The following MEI4 variants were observed in gnomAD, a reference collection of about 807,000 sequenced individuals.
The protein encoded by MEI4 is meiotic double-stranded break formation protein 4, also known as meiosis-specific protein MEI4.
A neutral mutation model predicts 31.4 loss-of-function variants in MEI4; 27 were observed. The observed-to-expected ratio is 0.86, with a 90% CI of 0.63 to 1.19. MEI4 has a LOEUF of 1.19. Among genes scored for constraint, MEI4 ranks in the 50% most tolerant of loss-of-function variants. MEI4 has a pLI of 0.00. For missense variants in MEI4, 329 were observed against 398.9 expected, an observed-to-expected ratio of 0.82 and a Z score of 1.49; for synonymous variants, 122 against 145.4, an observed-to-expected ratio of 0.84 and a Z score of 1.16.
chr6:77,876,562 C>G (rs545716520), intron 4 of MEI4, among the ~76,000 whole-genome samples: 1 of 152,260 alleles, frequency 6.6e-6, no homozygotes, highest in Admixed American at 6.5e-5. Context: ...GTTATAGTAG[C>G]AGGAAATGGA....
chr6:77,849,294 G>A (rs1317208651), intron 4 of MEI4, among the ~76,000 whole-genome samples: 1 of 152,122 alleles, frequency 6.6e-6, no homozygotes, highest in Non-Finnish European at 1.5e-5. Flanking sequence ...TTTGTGTGGT[G>A]GCTGGGCATT....
At chr6:77,830,423 A>G (rs1467556815) in intron 4 of MEI4, among the ~76,000 whole-genome samples, 2 of 152,110 alleles carry the variant, frequency 1.3e-5, no homozygotes, top group African/African-American at 4.8e-5. Context: ...AATTTTCACA[A>G]ACTTTATGGA....
chr6:77,696,912 G>T (rs1173643438), intron 2 of MEI4, among the ~76,000 whole-genome samples: 1 of 152,144 alleles, frequency 6.6e-6, no homozygotes, highest in Non-Finnish European at 1.5e-5. Context: ...CTTTTTGGTT[G>T]GTAAGCTATT....
At chr6:77,864,688 C>G (rs1225220403) in intron 4 of MEI4, among the ~76,000 whole-genome samples, 1 of 152,138 alleles carries the variant, frequency 6.6e-6, no homozygotes, top group African/African-American at 2.4e-5. Flanking sequence ...AGAAAGTTAA[C>G]AAGGATATCC....
At chr6:77,652,179 T>C (rs990492753), upstream of MEI4, among the ~76,000 whole-genome samples, 2 of 152,034 alleles carry the variant, frequency 1.3e-5, no homozygotes, top group East Asian at 3.9e-4. Context: ...GGAGAATAGA[T>C]TGGAGGGAGT....
chr6:77,651,467 G>A (rs9361259), upstream of MEI4, among the ~76,000 whole-genome samples: 10,741 of 152,208 alleles, frequency 0.071, 488 homozygotes, highest in African/African-American at 0.13. Flanking sequence ...TGCACATAAC[G>A]TAGAAAAATA....
intron 2 of MEI4, among the ~76,000 whole-genome samples, chr6:77,699,020 G>A (rs9448172): frequency 0.29 from 43,491 of 151,072 alleles, 6,871 homozygotes; most frequent in South Asian, 0.39. Flanking sequence ...CATTCATTTC[G>A]TCTTCCATCA....
chr6:77,763,555 G>A (rs1435238368), intron 3 of MEI4, among the ~76,000 whole-genome samples: 1 of 152,086 alleles, frequency 6.6e-6, no homozygotes, highest in African/African-American at 2.4e-5. Flanking sequence ...GTTCAGCAAT[G>A]GTTGGCACAA....
At chr6:77,845,094 C>G (rs538279675) in intron 4 of MEI4, among the ~76,000 whole-genome samples, 1 of 152,062 alleles carries the variant, frequency 6.6e-6, no homozygotes, top group South Asian at 2.1e-4. Context: ...TGGTGACTTT[C>G]GATGTCTTCA....
At chr6:77,747,315 T>C (rs755603836) in intron 2 of MEI4, among the ~76,000 whole-genome samples, 3 of 151,232 alleles carry the variant, frequency 2.0e-5, no homozygotes, top group Non-Finnish European at 4.4e-5. Context: ...CAAGACTCCA[T>C]CTAAAAAAAA....
At chr6:77,674,528 A>G (rs1768804787) in intron 1 of MEI4, among the ~76,000 whole-genome samples, 1 of 152,208 alleles carries the variant, frequency 6.6e-6, no homozygotes, top group Non-Finnish European at 1.5e-5. Context: ...ATGCAGTAAC[A>G]TGCTGCACAG....
At chr6:77,689,239 T>C (rs1769114131) in intron 1 of MEI4, among the ~76,000 whole-genome samples, 1 of 152,050 alleles carries the variant, frequency 6.6e-6, no homozygotes, top group Admixed American at 6.6e-5. Flanking sequence ...TGTCTTCATT[T>C]GTTGTACTTA....
At chr6:77,718,462 G>A (rs1582055998) in intron 2 of MEI4, among the ~76,000 whole-genome samples, 1 of 147,776 alleles carries the variant, frequency 6.8e-6, no homozygotes, top group African/African-American at 2.5e-5. Flanking sequence ...CATTAACAAA[G>A]TTTACTGACT....
At chr6:77,731,168 G>T (rs1766977939) in intron 2 of MEI4, among the ~76,000 whole-genome samples, 1 of 151,430 alleles carries the variant, frequency 6.6e-6, no homozygotes, top group Admixed American at 6.6e-5. Flanking sequence ...GGGTCAAATG[G>T]TATTTCTAGT....
chr6:77,786,299 G>A (rs191142613), intron 3 of MEI4, among the ~76,000 whole-genome samples: 1 of 152,106 alleles, frequency 6.6e-6, no homozygotes, highest in East Asian at 1.9e-4. Context: ...TCTTAATTAT[G>A]AGCAGTCTCT....
At chr6:77,696,164 A>G (rs376608537) in intron 2 of MEI4, among the ~76,000 whole-genome samples, 6 of 151,950 alleles carry the variant, frequency 3.9e-5, no homozygotes, top group African/African-American at 9.7e-5. Context: ...GAGATTTTGG[A>G]CTGAGACAAT....
intron 4 of MEI4, among the ~76,000 whole-genome samples, chr6:77,844,780 A>G (rs1770441170): frequency 6.6e-6 from 1 of 152,140 alleles, no homozygotes. Flanking sequence ...TGATTATATT[A>G]ATAATATTAG....
At chr6:77,680,656 C>G (rs1305378974) in intron 1 of MEI4, among the ~76,000 whole-genome samples, 1 of 152,110 alleles carries the variant, frequency 6.6e-6, no homozygotes, top group African/African-American at 2.4e-5. Context: ...TGAAACAGTC[C>G]CTCTCTCTTA....
intron 3 of MEI4, among the ~76,000 whole-genome samples, chr6:77,808,842 C>T (rs1337945855): frequency 2.0e-5 from 3 of 152,126 alleles, no homozygotes; most frequent in Non-Finnish European, 4.4e-5. Flanking sequence ...ATTCCTGGAG[C>T]TAGAATGGTT....
Sources: allele counts gnomAD v4.1 joint callset (sites outside exome capture counted in the v4.1 genomes callset), GRCh38; gene constraint gnomAD v4.1.1; transcripts MANE v1.5; gene names NCBI Gene and HGNC (gene_info 2026-07-23, HGNC 2026-07-21).